The following ARPP21 variants were observed in gnomAD, a reference collection of about 807,000 sequenced individuals.
ARPP21 encodes cAMP-regulated phosphoprotein 21.
In ARPP21, 69 loss-of-function variants were observed where a neutral mutation model predicts 113.2. The observed-to-expected ratio is 0.61, with a 90% CI of 0.50 to 0.74. ARPP21 has a LOEUF of 0.74. Ranked by LOEUF, ARPP21 falls within the 30% of genes least tolerant of loss-of-function variation. The probability of loss-of-function intolerance (pLI) is 0.00; values close to 1 mark genes in which losing one functional copy is unlikely to be tolerated. For missense variants in ARPP21, 1,070 were observed against 1,037.4 expected (o/e 1.03, Z -0.43); for synonymous variants, 368 against 375.5 (o/e 0.98, Z 0.23).
At chr3:35,683,572 A>G (rs970710133) in intron 4 of ARPP21, among the ~76,000 whole-genome samples, 154 bp from the exon 5 acceptor site, 5 of 151,720 alleles carry the variant, frequency 3.3e-5, no homozygotes, top group Admixed American at 6.6e-5. Context: ...CTTTGAGCCA[A>G]TGTAGACAGT....
intron 19 of ARPP21, chr3:35,744,601 C>A: frequency 4.1e-6 from 2 of 486,496 alleles, no homozygotes; most frequent in South Asian, 1.6e-5. Context: ...GCAGCACGAA[C>A]CCGACAGGGC....
Position 35,738,227 on chromosome 3 carries a change from T to A in ARPP21, c.1658T>A (p.Leu553Gln). The change falls in exon 17 of 21, where the codon CTG (leucine) becomes CAG (glutamine). Residue 553 changes from leucine to glutamine, a missense_variant. Physicochemically the swap from Leu to Gln is moderately radical, Grantham distance 113. Coordinates refer to ENST00000684406, the MANE Select transcript of ARPP21 (RefSeq NM_001385562.1). ...TCTTTCCTCCAGTCTGTCCAGGGGCTGCAGGCTTCCTCCCAGTCAGTGCAA... is the reference window on the plus strand; with the variant it reads ...TCTTTCCTCCAGTCTGTCCAGGGGCAGCAGGCTTCCTCCCAGTCAGTGCAA... ...GPLVTQSVQG[L>Q]QASSQSVQYP... The A allele has an allele frequency of 6.5e-7, 1 of 1,535,676 alleles. No individual in the cohort carries two copies. Among genetic ancestry groups the A allele is most frequent in the South Asian group, 1.2e-5 (1 of 84,040 alleles).
At chr3:35,728,249 G>T (rs1576360553) in intron 14 of ARPP21, among the ~76,000 whole-genome samples, 1 of 110,498 alleles carries the variant, frequency 9.0e-6, no homozygotes, top group East Asian at 2.7e-4. Flanking sequence ...GACGGAGTCT[G>T]ACTCTGTCGC....
chr3:35,648,507 G>A (rs1701135540), intron 1 of ARPP21, among the ~76,000 whole-genome samples: 1 of 152,148 alleles, frequency 6.6e-6, no homozygotes, highest in Non-Finnish European at 1.5e-5. Flanking sequence ...AGGGGTCCTT[G>A]GCACTACCAC....
intron 13 of ARPP21, among the ~76,000 whole-genome samples, chr3:35,717,614 A>C (rs889685145): frequency 6.6e-6 from 1 of 152,100 alleles, no homozygotes. Flanking sequence ...CTTTGGTAGC[A>C]CACTGTTTTG....
chr3:35,644,771 C>CT (rs1699536450), intron 1 of ARPP21, among the ~76,000 whole-genome samples: 1 of 151,848 alleles, frequency 6.6e-6, no homozygotes, highest in Non-Finnish European at 1.5e-5. Flanking sequence ...TTTTTAGTCA[C>CT]CAGTATAGAT....
chr3:35,787,766 T>G (rs1012073180), intron 19 of ARPP21, among the ~76,000 whole-genome samples: 6 of 152,220 alleles, frequency 3.9e-5, no homozygotes, highest in Admixed American at 3.9e-4. Flanking sequence ...CATTGAATAC[T>G]TGCCACATAA....
intron 15 of ARPP21, 109 bp from the exon 16 acceptor site, chr3:35,737,069 G>T (rs1381392735): frequency 2.9e-6 from 2 of 686,006 alleles, no homozygotes; most frequent in Admixed American, 4.7e-5. Flanking sequence ...GATTTCCACT[G>T]CCCTGCCCCT....
intron 19 of ARPP21, among the ~76,000 whole-genome samples, chr3:35,753,041 AGTGT>A (rs3086930): frequency 0.048 from 6,923 of 143,984 alleles, 336 homozygotes; most frequent in African/African-American, 0.13. Flanking sequence ...TATGGCAGGA[AGTGT>A]GTGTGTGTGT....
At chr3:35,712,546 G>A (rs1480236080) in intron 11 of ARPP21, among the ~76,000 whole-genome samples, 1 of 151,116 alleles carries the variant, frequency 6.6e-6, no homozygotes, top group Non-Finnish European at 1.5e-5. Context: ...GTGTGTGTGT[G>A]TGTGTGTGTG....
intron 9 of ARPP21, among the ~76,000 whole-genome samples, chr3:35,705,275 C>T (rs1352544197): frequency 1.3e-5 from 2 of 152,020 alleles, no homozygotes; most frequent in Non-Finnish European, 2.9e-5. Flanking sequence ...CTAGTGTTTA[C>T]AGGGAACTGC....
intron 3 of ARPP21, 68 bp from the exon 4 acceptor site, chr3:35,682,780 G>T: frequency 7.1e-7 from 1 of 1,405,518 alleles, no homozygotes. Context: ...CTCTCTCTCG[G>T]TTGTTGATTT....
intron 14 of ARPP21, among the ~76,000 whole-genome samples, chr3:35,723,487 GCTCTCATATT>G (rs1331575294): frequency 1.3e-5 from 2 of 152,004 alleles, no homozygotes; most frequent in Non-Finnish European, 2.9e-5. Context: ...CTAATTAATT[GCTCTCATATT>G]CCACTATTGT....
chr3:35,770,151 C>T (rs2096145248), intron 19 of ARPP21, among the ~76,000 whole-genome samples: 1 of 152,102 alleles, frequency 6.6e-6, no homozygotes, highest in Non-Finnish European at 1.5e-5. Flanking sequence ...GGATGAAATC[C>T]AAATCTATTT....
At chr3:35,766,144 T>C (rs1169991470) in intron 19 of ARPP21, among the ~76,000 whole-genome samples, 1 of 152,190 alleles carries the variant, frequency 6.6e-6, no homozygotes, top group Admixed American at 6.6e-5. Flanking sequence ...TCTCTGGATT[T>C]TAAATGCTAC....
At chr3:35,731,097 G>A (rs1200318013) in intron 15 of ARPP21, among the ~76,000 whole-genome samples, 1 of 152,174 alleles carries the variant, frequency 6.6e-6, no homozygotes, top group Non-Finnish European at 1.5e-5. Flanking sequence ...TTGAGATAGA[G>A]GGCTTGCAGA....
At position 35,694,242 on chromosome 3, in the gene ARPP21, A is replaced by C. The variant is rs538399719; in HGVS notation, c.686+3237A>C. On this transcript the variant is annotated intron_variant, in intron 9 of 20. Transcript: ENST00000684406. The stretch of plus-strand genomic sequence containing the variant: ...GATCATAACAATACATTCTGTGAGG[A>C]TTACATATGTGTGTGTACTGCACTG... 2.0e-5 allele frequency among the ~76,000 whole-genome samples: 3 copies of C among 151,642 alleles called. No homozygotes were observed. In the East Asian group the frequency reaches 5.9e-4, roughly 30 times the overall value.
chr3:35,745,202 A>C (rs1188020329), intron 19 of ARPP21, among the ~76,000 whole-genome samples: 1 of 152,214 alleles, frequency 6.6e-6, no homozygotes, highest in African/African-American at 2.4e-5. Flanking sequence ...ATTTATTTTT[A>C]AAAAATCACT....
chr3:35,692,686 C>T (rs771868583), intron 9 of ARPP21, among the ~76,000 whole-genome samples: 1 of 151,590 alleles, frequency 6.6e-6, no homozygotes, highest in Non-Finnish European at 1.5e-5. Flanking sequence ...GAAAATTAAG[C>T]ATTATATCAA....
Sources: allele counts gnomAD v4.1 joint callset (sites outside exome capture counted in the v4.1 genomes callset), GRCh38; gene constraint gnomAD v4.1.1; transcripts MANE v1.5; gene names NCBI Gene and HGNC (gene_info 2026-07-23, HGNC 2026-07-21).